The following FREM2 variants were observed in gnomAD, a reference collection of about 807,000 sequenced individuals.
FREM2 encodes the protein FRAS1-related extracellular matrix protein 2.
In FREM2, 119 loss-of-function variants were observed where a neutral mutation model predicts 219.9. The observed-to-expected ratio is 0.54, with a 90% CI of 0.47 to 0.63. FREM2 has a LOEUF of 0.63. FREM2 is among the 30% of genes least tolerant of loss of function. The pLI is 0.00. For missense variants in FREM2, 4,030 were observed against 3,993.6 expected (o/e 1.01, Z -0.25); for synonymous variants, 1,562 against 1,522.8 (o/e 1.03, Z -0.60).
At chr13:38,851,631 GA>G in intron 10 of FREM2, 54 bp from the exon 11 acceptor site, 2 of 1,311,202 alleles carry the variant, frequency 1.5e-6, no homozygotes, top group Non-Finnish European at 2.2e-6. Flanking sequence ...AGAAATGGAG[GA>G]AAAGCATTCC....
At position 38,857,988 on chromosome 13, in the gene FREM2, G is replaced by C; in HGVS notation, c.7170G>C (p.Lys2390Asn). 6.2e-7 allele frequency: 1 copy of C among 1,614,064 alleles called. No individual in the cohort carries two copies. Among genetic ancestry groups the C allele is most frequent in the Admixed American group, 1.7e-5 (1 of 60,022 alleles). ...LLMYDDTSKA[K>N]ESAEPMSGYP... Reference sequence around the variant, plus strand: ...TGTATGACGACACTTCCAAAGCTAAGGAGAGTGCTGAACCCATGTCTGGCT... The same window carrying C: ...TGTATGACGACACTTCCAAAGCTAACGAGAGTGCTGAACCCATGTCTGGCT... The change falls in exon 13 of 24, where the codon AAG becomes AAC. Residue 2390 changes from lysine to asparagine, a missense_variant. Physicochemically the swap from Lys to Asn is moderately conservative, Grantham distance 94. Around this residue, in one of 2 missense-constraint regions of FREM2, gnomAD observed 928 missense variants for 1,042.9 expected, o/e 0.89. Transcript: ENST00000280481.
intron 2 of FREM2, among the ~76,000 whole-genome samples, chr13:38,719,728 C>G (rs957158059): frequency 6.6e-6 from 1 of 152,144 alleles, no homozygotes; most frequent in Non-Finnish European, 1.5e-5. Context: ...TTCCATGGGT[C>G]AGAACATGTA....
chr13:38,859,141 C>T (rs546843027), intron 13 of FREM2, 146 bp from the exon 14 acceptor site: 3 of 723,852 alleles, frequency 4.1e-6, no homozygotes, highest in Non-Finnish European at 7.4e-6. Context: ...TGTTATCATG[C>T]CTGGGGATCA....
rs769063775 is a variant in FREM2 at position 38,872,776 on chromosome 13, G to A, written c.8018G>A (p.Arg2673Gln). 8.1e-6 allele frequency: 13 copies of A among 1,613,840 alleles called. No homozygotes were observed. Among genetic ancestry groups the A allele is most frequent in the South Asian group, 2.2e-5 (2 of 91,080 alleles). ...LNLVQSYVTL[R>Q]VPLYVSYVFH... ...CTAGTGCAGTCCTATGTGACCCTTC[G>A]AGTCCCTCTGTATGTTTCCTACGTG... The change falls in exon 17 of 24, where the codon CGA (arginine) becomes CAA (glutamine). Residue 2673 changes from arginine (R) to glutamine (Q), a missense_variant. Arg to Gln is a conservative substitution (Grantham distance 43). This residue lies in a region of FREM2 where 928 missense variants were observed against 1,042.9 expected (regional missense o/e 0.89). Transcript: ENST00000280481.
chr13:38,696,691 T>C (rs1870120026), intron 1 of FREM2, among the ~76,000 whole-genome samples: 1 of 152,222 alleles, frequency 6.6e-6, no homozygotes, highest in Non-Finnish European at 1.5e-5. Flanking sequence ...TGAATAAGTT[T>C]TAAAAATTGT....
chr13:38,791,231 C>T (rs535332968), intron 6 of FREM2, among the ~76,000 whole-genome samples: 89 of 152,228 alleles, frequency 5.8e-4, no homozygotes, highest in South Asian at 1.7e-3. Context: ...AACTCTTCGT[C>T]GATATGCTTT....
Position 38,688,277 on chromosome 13 carries a change from A to G in FREM2, c.933A>G (p.Gly311=). 6.2e-7 allele frequency: 1 copy of G among 1,614,072 alleles called. No individual in the cohort carries two copies. The highest frequency in any genetic ancestry group is 8.5e-7 in the Non-Finnish European group (1 of 1,180,038). ...EHFQVLVRIR[G]GAENTAPKPS... is the part of the protein sequence containing the mutation. The stretch of plus-strand genomic sequence containing the variant: ...TCCAGGTTCTGGTGAGGATCCGAGG[A>G]GGGGCCGAGAACACTGCACCCAAGC... The change falls in exon 1 of 24, where the codon GGA becomes GGG. Residue 311 remains glycine (G), a synonymous_variant. Transcript: ENST00000280481.
At chr13:38,802,929 CTCCCA>C (rs1875076497) in intron 6 of FREM2, among the ~76,000 whole-genome samples, 1 of 152,184 alleles carries the variant, frequency 6.6e-6, no homozygotes, top group Non-Finnish European at 1.5e-5. Context: ...GTTCTCCCAG[CTCCCA>C]GCCAATCCCA....
chr13:38,688,362 C>G lies in FREM2; in HGVS notation c.1018C>G (p.Pro340Ala). Reference sequence around the variant, plus strand: ...CCAGTTTGTACTGACGGCCCTGACCCCAGACATGCTGGCAGCCGAGGATGC... The same window carrying G: ...CCAGTTTGTACTGACGGCCCTGACCGCAGACATGCTGGCAGCCGAGGATGC... The part of the protein sequence containing the change: ...VDQFVLTALT[P>A]DMLAAEDAES... The change falls in exon 1 of 24, where the codon CCA (proline) becomes GCA (alanine). Residue 340 changes from proline (P) to alanine (A), a missense_variant. Pro to Ala is a conservative substitution (Grantham distance 27). Transcript: ENST00000280481. The G allele has an allele frequency of 6.2e-7, 1 of 1,614,166 alleles. No homozygotes were observed. The highest frequency in any genetic ancestry group is 8.5e-7 in the Non-Finnish European group (1 of 1,180,018).
chr13:38,875,396 G>T (rs1265217258), intron 18 of FREM2, among the ~76,000 whole-genome samples: 1 of 152,118 alleles, frequency 6.6e-6, no homozygotes, highest in Non-Finnish European at 1.5e-5. Context: ...AGGCTTCATT[G>T]TATTTTTATG....
intron 2 of FREM2, among the ~76,000 whole-genome samples, chr13:38,711,078 T>G (rs1279579105): frequency 6.6e-6 from 1 of 152,222 alleles, no homozygotes; most frequent in African/African-American, 2.4e-5. Context: ...GTTCATGTAA[T>G]AAGCATATTG....
chr13:38,772,566 C>T (rs1873706139), intron 4 of FREM2, among the ~76,000 whole-genome samples: 1 of 152,130 alleles, frequency 6.6e-6, no homozygotes, highest in Admixed American at 6.5e-5. Context: ...CTCATTCAGT[C>T]CCTTGTAGAC....
intron 6 of FREM2, among the ~76,000 whole-genome samples, chr13:38,812,938 A>G (rs1417066749): frequency 1.3e-5 from 2 of 151,524 alleles, no homozygotes; most frequent in Non-Finnish European, 2.9e-5. Context: ...ACCCCACAAA[A>G]ACCTCTACCG....
chr13:38,727,377 G>A (rs952098595), intron 2 of FREM2, among the ~76,000 whole-genome samples: 29 of 152,166 alleles, frequency 1.9e-4, no homozygotes, highest in African/African-American at 7.0e-4. Flanking sequence ...TACTTGGGAG[G>A]CTGAGGCAGG....
intron 2 of FREM2, among the ~76,000 whole-genome samples, chr13:38,763,399 A>T: frequency 6.9e-6 from 1 of 145,692 alleles, no homozygotes; most frequent in African/African-American, 2.5e-5. Context: ...TTCTTTTTCT[A>T]TGTGAACTGC....
rs1235315314 is a variant in FREM2 at position 38,882,983 on chromosome 13, T to C, written c.*2196T>C. 1 of 152,184 alleles carries C rather than the reference T, an allele frequency of 6.6e-6. No individual in the cohort carries two copies. The highest frequency in any genetic ancestry group is 2.4e-5 in the African/African-American group (1 of 41,460). The allele number at this position is 152,184 out of a possible 1,614,324, so 9.4% of individuals were successfully genotyped here. On this transcript the variant is annotated 3_prime_UTR_variant, in exon 24 of 24. Transcript: ENST00000280481. ...CAGGCTTTGGGTCAAGCTGGTTTTA[T>C]ACCAAATTTCACTCTACAATGCATA...
chr13:38,738,440 C>T (rs768785175), intron 2 of FREM2, among the ~76,000 whole-genome samples: 1 of 151,820 alleles, frequency 6.6e-6, no homozygotes, highest in East Asian at 1.9e-4. Flanking sequence ...GTGGCACATG[C>T]CTGTGGTCCC....
At position 38,688,390 on chromosome 13, in the gene FREM2, A is replaced by T; in HGVS notation, c.1046A>T (p.Glu349Val). The T allele has an allele frequency of 6.2e-7, 1 of 1,613,968 alleles. No homozygotes were observed. The highest frequency in any genetic ancestry group is 8.5e-7 in the Non-Finnish European group (1 of 1,179,906). Residue 349 changes from glutamate (E) to valine (V), a missense_variant, in exon 1 of 24, where the codon GAG becomes GTG. Glu to Val is a moderately radical substitution (Grantham distance 121). This residue lies in a region of FREM2 where 3,102 missense variants were observed against 2,950.7 expected (regional missense o/e 1.05). Transcript: ENST00000280481. ...TPDMLAAEDA[E>V]SPSDLLIFNL... ...GACATGCTGGCAGCCGAGGATGCTG[A>T]GTCTCCCTCTGACCTGTTGATCTTC... is the stretch of plus-strand genomic sequence containing the variant.
At chr13:38,822,963 A>G (rs1181610500) in intron 6 of FREM2, among the ~76,000 whole-genome samples, 1 of 152,136 alleles carries the variant, frequency 6.6e-6, no homozygotes, top group Non-Finnish European at 1.5e-5. Flanking sequence ...ACAGTGCAAG[A>G]AAAGTGATGT....
Sources: gnomAD v4.1 joint callset for allele counts (sites outside exome capture counted in the v4.1 genomes callset) on GRCh38, gnomAD v4.1.1 for gene constraint, gnomAD v4.1.1 regional missense constraint, MANE v1.5 for transcripts, NCBI Gene and HGNC (gene_info 2026-07-23, HGNC 2026-07-21) for gene names.